Variants in ZMYND8 observed in about 807,000 individuals in gnomAD.
The protein encoded by ZMYND8 is zinc finger MYND-type containing 8.
ZMYND8 carries 37 observed loss-of-function variants against 140.8 expected under a neutral mutation model. The ratio of observed to expected loss-of-function variants is 0.26; its 90% CI spans 0.20 to 0.35. The LOEUF (loss-of-function observed/expected upper bound fraction) is 0.35, where lower values mean the gene tolerates loss of function less well. ZMYND8 is among the 10% of genes least tolerant of loss of function. ZMYND8 has a pLI of 1.00. For synonymous variants in ZMYND8, 592 were observed against 597.1 expected (o/e 0.99, Z 0.12); for missense variants, 1,068 against 1,570.0 (o/e 0.68, Z 5.40).
At chr20:47,274,185 T>A (rs1035884383) in intron 11 of ZMYND8, among the ~76,000 whole-genome samples, 1 of 152,240 alleles carries the variant, frequency 6.6e-6, no homozygotes, top group Non-Finnish European at 1.5e-5. Context: ...CCTATAAAAC[T>A]GAATTTTTTG....
At chr20:47,263,394 A>G (rs915489979) in intron 11 of ZMYND8, among the ~76,000 whole-genome samples, 1 of 152,238 alleles carries the variant, frequency 6.6e-6, no homozygotes, top group African/African-American at 2.4e-5. Flanking sequence ...GAGACTCCCC[A>G]GGGGCTTCGA....
Position 47,246,604 on chromosome 20 carries a change from G to C in ZMYND8, c.1775-87C>G, listed in dbSNP as rs1387864366. On this transcript the variant is annotated intron_variant, in intron 13 of 22. Transcript: ENST00000471951. ...ATGCAAACATTTTTCCACACCAAAT[G>C]CTGGAATAAGAAAAGCACGTTTCAA... The C allele has an allele frequency of 1.8e-5, 27 of 1,485,118 alleles. No individual in the cohort carries two copies. In the Admixed American group the frequency reaches 6.2e-4, roughly 34 times the overall value. 92.0% of individuals were successfully genotyped at this position (1,485,118 alleles called of 1,614,324 possible).
intron 11 of ZMYND8, among the ~76,000 whole-genome samples, chr20:47,275,678 C>T (rs2076214340): frequency 6.6e-6 from 1 of 152,156 alleles, no homozygotes; most frequent in South Asian, 2.1e-4. Context: ...TCATAGCTCA[C>T]TGCAGCCTCA....
intron 11 of ZMYND8, among the ~76,000 whole-genome samples, chr20:47,273,327 C>T (rs1262955664): frequency 6.6e-6 from 1 of 152,034 alleles, no homozygotes; most frequent in East Asian, 1.9e-4. Context: ...GGGTGGATTA[C>T]CTGAGGTCAG....
At chr20:47,281,683 A>G (rs993442765) in intron 10 of ZMYND8, among the ~76,000 whole-genome samples, 2 of 152,220 alleles carry the variant, frequency 1.3e-5, no homozygotes, top group African/African-American at 2.4e-5. Context: ...ACTACTCAGC[A>G]TGATGATAAG....
chr20:47,306,034 A>C (rs985788761), intron 3 of ZMYND8, among the ~76,000 whole-genome samples: 2 of 152,190 alleles, frequency 1.3e-5, no homozygotes, highest in African/African-American at 2.4e-5. Flanking sequence ...GGTCTTTTAA[A>C]AATGCATGGT....
At chr20:47,306,633 C>T (rs890931074) in intron 3 of ZMYND8, among the ~76,000 whole-genome samples, 1 of 148,636 alleles carries the variant, frequency 6.7e-6, no homozygotes, top group Non-Finnish European at 1.5e-5. Flanking sequence ...TGTGGTGACA[C>T]GATCTCAGCT....
chr20:47,351,617 T>C (rs2082787308), intron 1 of ZMYND8: 1 of 964,696 alleles, frequency 1.0e-6, no homozygotes, highest in African/African-American at 1.8e-5. Flanking sequence ...ACATCAAAAT[T>C]AAAAACCATG....
At chr20:47,291,165 G>A (rs938040238) in intron 6 of ZMYND8, among the ~76,000 whole-genome samples, 2 of 152,144 alleles carry the variant, frequency 1.3e-5, no homozygotes, top group East Asian at 3.8e-4. Context: ...CTGGATTTAT[G>A]GTTTGGGAGT....
At chr20:47,216,679 C>T (rs2036170707) in intron 21 of ZMYND8, among the ~76,000 whole-genome samples, 6 of 151,594 alleles carry the variant, frequency 4.0e-5, no homozygotes, top group Admixed American at 3.9e-4. Flanking sequence ...TGGTGGTGCA[C>T]ACCTATAATC....
chr20:47,269,058 G>T (rs993122373), intron 11 of ZMYND8, among the ~76,000 whole-genome samples: 1 of 152,046 alleles, frequency 6.6e-6, no homozygotes, highest in East Asian at 1.9e-4. Flanking sequence ...AACCAGCCAG[G>T]TGTGTTGGCA....
At chr20:47,306,322 G>T (rs1371163852) in intron 3 of ZMYND8, among the ~76,000 whole-genome samples, 1 of 152,106 alleles carries the variant, frequency 6.6e-6, no homozygotes, top group Non-Finnish European at 1.5e-5. Flanking sequence ...TTGAGCCGGG[G>T]AGGTCGAGCC....
intron 2 of ZMYND8, among the ~76,000 whole-genome samples, chr20:47,335,578 A>C (rs1375335617): frequency 5.9e-5 from 9 of 152,246 alleles, no homozygotes; most frequent in Admixed American, 5.9e-4. Flanking sequence ...TGATATGCTT[A>C]TTCTACAGGC....
intron 2 of ZMYND8, among the ~76,000 whole-genome samples, chr20:47,323,375 T>G (rs1176031253): frequency 1.3e-5 from 2 of 152,076 alleles, no homozygotes. Flanking sequence ...CCCAAGTAGC[T>G]AACACCACGG....
intron 2 of ZMYND8, among the ~76,000 whole-genome samples, chr20:47,338,691 A>G (rs974802928): frequency 1.3e-5 from 2 of 152,174 alleles, no homozygotes; most frequent in African/African-American, 4.8e-5. Flanking sequence ...ACGAGAGCTC[A>G]GTTTCACATA....
At chr20:47,317,524 G>A (rs1366018009) in intron 2 of ZMYND8, among the ~76,000 whole-genome samples, 2 of 152,196 alleles carry the variant, frequency 1.3e-5, no homozygotes, top group Admixed American at 6.5e-5. Flanking sequence ...GCAGCTGAAA[G>A]GCCGGGAGCT....
intron 13 of ZMYND8, among the ~76,000 whole-genome samples, chr20:47,248,496 C>A (rs1452664068): frequency 1.3e-5 from 2 of 152,244 alleles, no homozygotes; most frequent in Non-Finnish European, 2.9e-5. Flanking sequence ...GAGGAGCTTG[C>A]TCTCCAGAGG....
intron 12 of ZMYND8, among the ~76,000 whole-genome samples, chr20:47,262,041 A>G (rs2075196028): frequency 6.6e-6 from 1 of 152,120 alleles, no homozygotes; most frequent in Non-Finnish European, 1.5e-5. Flanking sequence ...CTTGCACTCC[A>G]GCCTGGGCAA....
At chr20:47,264,660 T>C (rs369485742) in intron 11 of ZMYND8, among the ~76,000 whole-genome samples, 26 of 141,552 alleles carry the variant, frequency 1.8e-4, no homozygotes, top group African/African-American at 6.5e-4. Context: ...CCACATTCCT[T>C]CACTGGGGGG....
Sources: allele counts gnomAD v4.1 joint callset (sites outside exome capture counted in the v4.1 genomes callset), GRCh38; gene constraint gnomAD v4.1.1; transcripts MANE v1.5; gene names NCBI Gene and HGNC (gene_info 2026-07-23, HGNC 2026-07-21).